Variants in PCDHA9 observed in about 807,000 individuals in gnomAD.
PCDHA9 encodes protocadherin alpha 9.
A neutral mutation model predicts 62.0 loss-of-function variants in PCDHA9; 62 were observed. The ratio of observed to expected loss-of-function variants is 1.00; its 90% CI spans 0.81 to 1.23. The LOEUF is 1.23. Among genes scored for constraint, PCDHA9 ranks in the 50% most tolerant of loss-of-function variants. The probability of loss-of-function intolerance (pLI) is 0.00; values close to 1 mark genes in which losing one functional copy is unlikely to be tolerated. For synonymous variants in PCDHA9, 557 were observed against 567.6 expected (o/e 0.98, Z 0.27); for missense variants, 1,205 against 1,249.8 (o/e 0.96, Z 0.54).
chr5:140,851,781 A>G, intron 1 of PCDHA9: 1 of 959,776 alleles, frequency 1.0e-6, no homozygotes. Context: ...AATTTAGATG[A>G]GAATTCACTT....
chr5:140,868,989 C>A (rs1280457697), intron 1 of PCDHA9: 91 of 1,506,736 alleles, frequency 6.0e-5, no homozygotes, highest in Non-Finnish European at 7.5e-5. Context: ...CGGATGCCAC[C>A]GTTTAAGGAT....
intron 3 of PCDHA9, among the ~76,000 whole-genome samples, chr5:140,987,196 AGAGT>A (rs2097234784): frequency 6.6e-6 from 1 of 151,568 alleles, no homozygotes; most frequent in Non-Finnish European, 1.5e-5. Flanking sequence ...CCTGGGTGAC[AGAGT>A]GAGACTCCAT....
At chr5:140,949,271 TGAAAA>T (rs1377326965) in intron 1 of PCDHA9, among the ~76,000 whole-genome samples, 5 of 151,804 alleles carry the variant, frequency 3.3e-5, no homozygotes, top group Non-Finnish European at 5.9e-5. Flanking sequence ...CACGTGCACT[TGAAAA>T]GAATGTATAT....
rs782188760 is a variant in PCDHA9, at chr5:140,877,108, G to A, written c.2394+26219G>A. 2.5e-5 allele frequency: 41 copies of A among 1,613,540 alleles called. No individual in the cohort carries two copies. Among genetic ancestry groups the A allele is most frequent in the South Asian group, 1.1e-4 (10 of 91,052 alleles). ...GCGCGACGCCGGCGTGCCGCCTCTG[G>A]GCAGCAACGTGACGCTGCAGGTGTT... On this transcript the variant is annotated intron_variant, in intron 1 of 3. Transcript: ENST00000532602.
At chr5:140,911,436 C>G (rs369054235) in intron 1 of PCDHA9, among the ~76,000 whole-genome samples, 14 of 152,124 alleles carry the variant, frequency 9.2e-5, no homozygotes, top group African/African-American at 2.4e-4. Flanking sequence ...TCCAATTTCC[C>G]GCAATTTCAG....
intron 1 of PCDHA9, among the ~76,000 whole-genome samples, chr5:140,974,062 G>T (rs1014435483): frequency 2.0e-5 from 3 of 152,222 alleles, no homozygotes; most frequent in Non-Finnish European, 4.4e-5. Context: ...ATTTGGAGCA[G>T]TATAATCTAT....
intron 1 of PCDHA9, among the ~76,000 whole-genome samples, chr5:140,926,182 C>T (rs1041630365): frequency 2.6e-5 from 4 of 151,858 alleles, no homozygotes; most frequent in South Asian, 2.2e-4. Flanking sequence ...CGGAAAGCCC[C>T]CCGCAGCACT....
intron 3 of PCDHA9, among the ~76,000 whole-genome samples, chr5:141,003,899 A>G (rs1288060303): frequency 1.3e-5 from 2 of 152,200 alleles, no homozygotes; most frequent in East Asian, 1.9e-4. Context: ...AGGCCCATTC[A>G]TTTGGGTCTT....
intron 1 of PCDHA9, among the ~76,000 whole-genome samples, chr5:140,962,298 A>T (rs2095671297): frequency 6.6e-6 from 1 of 152,204 alleles, no homozygotes; most frequent in South Asian, 2.1e-4. Context: ...ATATTCTATG[A>T]TTCTTGTTAG....
At chr5:141,005,944 C>T (rs1563696119) in intron 3 of PCDHA9, among the ~76,000 whole-genome samples, 1 of 151,862 alleles carries the variant, frequency 6.6e-6, no homozygotes, top group African/African-American at 2.4e-5. Context: ...GAGAACCTAT[C>T]TCTAACAAAC....
intron 1 of PCDHA9, chr5:140,856,990 T>C: frequency 6.3e-7 from 1 of 1,595,350 alleles, no homozygotes; most frequent in Non-Finnish European, 8.6e-7. Flanking sequence ...ACAGTAACAC[T>C]TATGAAATTC....
intron 1 of PCDHA9, chr5:140,884,061 A>G: frequency 1.2e-6 from 2 of 1,613,342 alleles, no homozygotes; most frequent in Non-Finnish European, 1.7e-6. Flanking sequence ...CGCGCGGTGG[A>G]CGCCGATTCG....
At chr5:140,980,716 G>T (rs1246125435) in intron 2 of PCDHA9, among the ~76,000 whole-genome samples, 1 of 151,830 alleles carries the variant, frequency 6.6e-6, no homozygotes, top group Non-Finnish European at 1.5e-5. Context: ...TCCTATTCGG[G>T]TTTCAATTAA....
chr5:140,851,678 C>T, intron 1 of PCDHA9: 1 of 917,638 alleles, frequency 1.1e-6, no homozygotes, highest in Non-Finnish European at 1.3e-6. Context: ...GAAATTTTCT[C>T]CATTCAGTGA....
intron 1 of PCDHA9, among the ~76,000 whole-genome samples, chr5:140,920,648 A>G (rs1465559942): frequency 1.3e-5 from 2 of 152,148 alleles, no homozygotes; most frequent in Non-Finnish European, 2.9e-5. Flanking sequence ...GATTGAGACC[A>G]TCCTTGCCAA....
rs190030565 is a variant in PCDHA9, at chr5:140,999,153, C to T, written c.2543-10474C>T. Among the ~76,000 whole-genome samples, 42 of 152,242 alleles carry T rather than the reference C, an allele frequency of 2.8e-4. 1 individual carries two copies. In the East Asian group the frequency reaches 5.2e-3, roughly 19 times the overall value. Reference sequence around the variant, plus strand: ...AATGTCACAGCCGGAAGTCTTCAGTCCCCTAGAAGGAAAAGAGCCTGATGG... The same window carrying T: ...AATGTCACAGCCGGAAGTCTTCAGTTCCCTAGAAGGAAAAGAGCCTGATGG... On this transcript the variant is annotated intron_variant, in intron 3 of 3. Coordinates refer to ENST00000532602, the MANE Select transcript of PCDHA9 (RefSeq NM_031857.2).
Position 140,884,117 on chromosome 5 carries a change from G to A in PCDHA9, c.2394+33228G>A, listed in dbSNP as rs782383006. 1 of 1,613,298 alleles carries A rather than the reference G, an allele frequency of 6.2e-7. No homozygotes were observed. The highest frequency in any genetic ancestry group is 1.7e-5 in the Admixed American group (1 of 60,006). On this transcript the variant is annotated intron_variant, in intron 1 of 3. Transcript: ENST00000532602. ...GTATGAATTGCAGCTGGCGGCGGTC[G>A]GCGCGCGCATCCCGTTCCGCGTGGG...
At chr5:140,882,141 A>G in intron 1 of PCDHA9, 3 of 1,491,636 alleles carry the variant, frequency 2.0e-6, no homozygotes, top group South Asian at 1.4e-5. Flanking sequence ...CAGAAAATAT[A>G]GCAGAAAGCG....
At position 140,849,308 on chromosome 5, in the gene PCDHA9, A is replaced by C. The variant is rs1224094157; in HGVS notation, c.813A>C (p.Glu271Asp). ...ACCCCAATGCCTCAGATTTAGACGAAGGCTTGAATGGGGATATTATTTACT... is the reference window on the plus strand; with the variant it reads ...ACCCCAATGCCTCAGATTTAGACGACGGCTTGAATGGGGATATTATTTACT... Reference protein sequence around the residue: ...VIHPNASDLDEGLNGDIIYSF... With the variant: ...VIHPNASDLDDGLNGDIIYSF... The change falls in exon 1 of 4, where the codon GAA becomes GAC. Residue 271 changes from glutamate to aspartate, a missense_variant. Transcript: ENST00000532602. 1 of 1,299,604 alleles carries C rather than the reference A, an allele frequency of 7.7e-7. No individual in the cohort carries two copies. The highest frequency in any genetic ancestry group is 2.3e-5 in the Admixed American group (1 of 43,360). 80.5% of individuals were successfully genotyped at this position (1,299,604 alleles called of 1,614,324 possible). A position where few individuals can be genotyped will look rare whatever the true frequency, so the allele number is the denominator to read the frequency against.
Sources: gnomAD v4.1 joint callset for allele counts (sites outside exome capture counted in the v4.1 genomes callset) on GRCh38, gnomAD v4.1.1 for gene constraint, MANE v1.5 for transcripts, NCBI Gene and HGNC (gene_info 2026-07-23, HGNC 2026-07-21) for gene names.